Variants in NLGN1 observed in about 807,000 individuals in gnomAD.
The protein encoded by NLGN1 is neuroligin 1, also known as neuroligin-1.
Under a neutral mutation model 65.5 loss-of-function variants are expected in NLGN1, and 12 were observed. That is an observed-to-expected ratio of 0.18 (90% confidence interval 0.12 to 0.30). The LOEUF is 0.30. Among genes scored for constraint, NLGN1 ranks in the 10% least tolerant of loss-of-function variants. The probability of loss-of-function intolerance (pLI) is 1.00; values close to 1 mark genes in which losing one functional copy is unlikely to be tolerated. For missense variants in NLGN1, 750 were observed against 1,007.1 expected (o/e 0.74, Z 3.46); for synonymous variants, 350 against 359.5 (o/e 0.97, Z 0.30).
At chr3:174,203,526 AC>A (rs2152778659) in intron 4 of NLGN1, among the ~76,000 whole-genome samples, 1 of 152,140 alleles carries the variant, frequency 6.6e-6, no homozygotes, top group East Asian at 1.9e-4. Flanking sequence ...TGCCCAGGGC[AC>A]TGCTATTCCA....
intron 4 of NLGN1, among the ~76,000 whole-genome samples, chr3:173,946,509 C>CT (rs1447089579): frequency 6.6e-6 from 1 of 152,178 alleles, no homozygotes; most frequent in Non-Finnish European, 1.5e-5. Context: ...ACTTAACCCT[C>CT]TATTAATGGA....
intron 2 of NLGN1, among the ~76,000 whole-genome samples, chr3:173,564,202 C>G (rs1743262914): frequency 6.6e-6 from 1 of 152,226 alleles, no homozygotes; most frequent in African/African-American, 2.4e-5. Flanking sequence ...TTAGCTTTCT[C>G]ATCACACCTT....
exon 6 of NLGN1, chr3:174,278,986 G>A (rs1421241867): frequency 1.3e-6 from 2 of 1,581,846 alleles, no homozygotes; most frequent in Non-Finnish European, 1.7e-6. Flanking sequence ...AGATACAGTA[G>A]AGTTAGTGGA....
chr3:173,507,455 T>C (rs1183717008), intron 2 of NLGN1, among the ~76,000 whole-genome samples: 2 of 152,182 alleles, frequency 1.3e-5, no homozygotes, highest in Non-Finnish European at 2.9e-5. Context: ...TAATGCCCAA[T>C]AGGAGAAAAT....
At chr3:173,409,255 T>TA (rs576201855) in intron 1 of NLGN1, among the ~76,000 whole-genome samples, 382 of 152,360 alleles carry the variant, frequency 2.5e-3, no homozygotes, top group African/African-American at 8.8e-3. Context: ...AAAACTGCCA[T>TA]ATGTATACAT....
chr3:174,050,532 T>C (rs1939347810), intron 4 of NLGN1, among the ~76,000 whole-genome samples: 1 of 150,766 alleles, frequency 6.6e-6, no homozygotes, highest in South Asian at 2.1e-4. Context: ...GAAAAAATAA[T>C]AATTAAAAAA....
chr3:174,225,598 G>A (rs1739488200), intron 4 of NLGN1, among the ~76,000 whole-genome samples: 1 of 152,134 alleles, frequency 6.6e-6, no homozygotes, highest in Non-Finnish European at 1.5e-5. Flanking sequence ...GGGCGTGGTG[G>A]CGGGCGCCTG....
At chr3:174,075,777 T>C (rs1332359321) in intron 4 of NLGN1, among the ~76,000 whole-genome samples, 4 of 152,212 alleles carry the variant, frequency 2.6e-5, no homozygotes, top group African/African-American at 4.8e-5. Context: ...GGATTATTGA[T>C]TCTTGAGCAT....
intron 3 of NLGN1, among the ~76,000 whole-genome samples, chr3:173,760,926 C>A (rs760805446): frequency 6.6e-6 from 1 of 151,984 alleles, no homozygotes; most frequent in African/African-American, 2.4e-5. Context: ...GTTAAGTCAG[C>A]ACAATAGAGC....
chr3:173,811,296 G>C (rs530135343), intron 4 of NLGN1, among the ~76,000 whole-genome samples: 9 of 152,094 alleles, frequency 5.9e-5, no homozygotes, highest in African/African-American at 2.2e-4. Flanking sequence ...AGGTGTGATG[G>C]CTCACACCTG....
intron 4 of NLGN1, among the ~76,000 whole-genome samples, chr3:174,060,891 C>G (rs1055043300): frequency 6.6e-6 from 1 of 152,006 alleles, no homozygotes; most frequent in Non-Finnish European, 1.5e-5. Context: ...CATTTAGAAT[C>G]TCTTAGCCAC....
chr3:174,026,402 A>G (rs1728836901), intron 4 of NLGN1, among the ~76,000 whole-genome samples: 1 of 152,196 alleles, frequency 6.6e-6, no homozygotes, highest in African/African-American at 2.4e-5. Flanking sequence ...TTGGGCTTAC[A>G]GTCATGAACC....
intron 4 of NLGN1, among the ~76,000 whole-genome samples, chr3:173,983,409 G>A (rs536381179): frequency 6.6e-6 from 1 of 152,318 alleles, no homozygotes; most frequent in East Asian, 1.9e-4. Flanking sequence ...TTCTGGTCGA[G>A]TCCAGCAGAC....
At chr3:173,516,600 A>G (rs983147921) in intron 2 of NLGN1, among the ~76,000 whole-genome samples, 3 of 152,148 alleles carry the variant, frequency 2.0e-5, no homozygotes, top group Non-Finnish European at 2.9e-5. Context: ...AAGCATTGCT[A>G]TATCTATTGC....
intron 4 of NLGN1, among the ~76,000 whole-genome samples, chr3:173,888,413 CT>C (rs1310212036): frequency 6.6e-6 from 1 of 151,944 alleles, no homozygotes. Context: ...AGTTGTTATA[CT>C]GTAATTTTAA....
chr3:173,884,016 C>T (rs1211061469), intron 4 of NLGN1, among the ~76,000 whole-genome samples: 1 of 151,448 alleles, frequency 6.6e-6, no homozygotes, highest in Non-Finnish European at 1.5e-5. Flanking sequence ...TTTACCTTTG[C>T]ATTTAGGGTA....
At chr3:173,796,802 A>C (rs1368996894) in intron 3 of NLGN1, among the ~76,000 whole-genome samples, 1 of 152,170 alleles carries the variant, frequency 6.6e-6, no homozygotes. Flanking sequence ...AATGTTGTTA[A>C]TAACTGTTAT....
At chr3:174,140,115 A>G (rs1018011354) in intron 4 of NLGN1, among the ~76,000 whole-genome samples, 8 of 152,054 alleles carry the variant, frequency 5.3e-5, no homozygotes, top group Non-Finnish European at 1.2e-4. Context: ...GGGATTTGCT[A>G]TATATTATTT....
chr3:174,082,910 A>G (rs1469220719), intron 4 of NLGN1, among the ~76,000 whole-genome samples: 1 of 152,072 alleles, frequency 6.6e-6, no homozygotes, highest in Non-Finnish European at 1.5e-5. Flanking sequence ...TATTTTTAGT[A>G]GAGACAGGGT....
Sources: allele counts gnomAD v4.1 joint callset (sites outside exome capture counted in the v4.1 genomes callset), GRCh38; gene constraint gnomAD v4.1.1; transcripts MANE v1.5; gene names NCBI Gene and HGNC (gene_info 2026-07-23, HGNC 2026-07-21).